Variants in SIGLEC9 observed in about 807,000 individuals in gnomAD.
SIGLEC9 encodes sialic acid binding Ig like lectin 9.
SIGLEC9 carries 26 observed loss-of-function variants against 38.3 expected under a neutral mutation model. The observed-to-expected ratio is 0.68, with a 90% CI of 0.50 to 0.94. The LOEUF (loss-of-function observed/expected upper bound fraction) is 0.94. Among genes scored for constraint, SIGLEC9 ranks in the 40% least tolerant of loss-of-function variants. The probability of loss-of-function intolerance (pLI) is 0.00; values close to 1 mark genes in which losing one functional copy is unlikely to be tolerated. For synonymous variants in SIGLEC9, 236 were observed against 248.0 expected (o/e 0.95, Z 0.45); for missense variants, 556 against 585.7 (o/e 0.95, Z 0.52).
At chr19:51,124,836 T>TGA, upstream of SIGLEC9, 3 of 1,092,796 alleles carry the variant, frequency 2.7e-6, no homozygotes, top group South Asian at 4.9e-5. Flanking sequence ...GTAAAGTTCC[T>TGA]CCTCTGAGGA....
chr19:51,128,809 T>C (rs1190030094), intron 6 of SIGLEC9: 10 of 312,046 alleles, frequency 3.2e-5, no homozygotes, highest in Non-Finnish European at 6.0e-5. Context: ...GAAGACATCA[T>C]CGTCCAGTTC....
At chr19:51,128,636 G>GC (rs1278319747) in intron 6 of SIGLEC9, 126 bp downstream of exon 6, 2 of 788,706 alleles carry the variant, frequency 2.5e-6, no homozygotes, top group Admixed American at 5.6e-5. Flanking sequence ...CTTCTCTGTA[G>GC]CCCCAAATCA....
chr19:51,123,134 C>T (rs1397138016), upstream of SIGLEC9, among the ~76,000 whole-genome samples: 1 of 152,180 alleles, frequency 6.6e-6, no homozygotes, highest in African/African-American at 2.4e-5. Flanking sequence ...CCCTGGTTCT[C>T]ACCTGATCAG....
upstream of SIGLEC9, among the ~76,000 whole-genome samples, chr19:51,121,043 C>T (rs147900724): frequency 4.0e-3 from 609 of 152,216 alleles, 2 homozygotes; most frequent in Middle Eastern, 0.031. Context: ...TGGGTTCTCA[C>T]TGTGTCACCC....
At chr19:51,126,708 G>T (rs1348641760) in intron 3 of SIGLEC9, among the ~76,000 whole-genome samples, 5 of 152,232 alleles carry the variant, frequency 3.3e-5, no homozygotes, top group African/African-American at 1.2e-4. Context: ...CCTAATGGAA[G>T]ATCACGGCAC....
chr19:51,134,164 T>C (rs1480676685), downstream of SIGLEC9, among the ~76,000 whole-genome samples: 2 of 138,064 alleles, frequency 1.4e-5, no homozygotes, highest in Non-Finnish European at 3.1e-5. Context: ...TTTTTTTTTT[T>C]TTTTTTTTTT....
intron 2 of SIGLEC9, 72 bp from the exon 3 acceptor site, chr19:51,126,009 C>T (rs2091977012): frequency 3.8e-6 from 6 of 1,582,810 alleles, no homozygotes; most frequent in Admixed American, 1.7e-5. Flanking sequence ...GTTTATGCGG[C>T]TCCTGGGGAC....
chr19:51,123,658 G>A (rs932197347), upstream of SIGLEC9, among the ~76,000 whole-genome samples: 1 of 152,200 alleles, frequency 6.6e-6, no homozygotes, highest in Non-Finnish European at 1.5e-5. Flanking sequence ...GACAGGAAGT[G>A]GGGTAACAAA....
downstream of SIGLEC9, among the ~76,000 whole-genome samples, chr19:51,132,974 T>C (rs961347589): frequency 2.0e-5 from 3 of 151,770 alleles, no homozygotes; most frequent in African/African-American, 7.3e-5. Flanking sequence ...TATGTATATG[T>C]GTATATGTAT....
At chr19:51,121,811 T>C (rs549725740), upstream of SIGLEC9, among the ~76,000 whole-genome samples, 1 of 152,140 alleles carries the variant, frequency 6.6e-6, no homozygotes, top group South Asian at 2.1e-4. Flanking sequence ...GGTCTCGAAC[T>C]CCTTGACCTC....
Position 51,125,243 on chromosome 19 carries a change from G to A in SIGLEC9, c.269G>A (p.Arg90Gln), listed in dbSNP as rs758617556. The A allele has an allele frequency of 8.7e-6, 14 of 1,613,976 alleles. No individual in the cohort carries two copies. The highest frequency in any genetic ancestry group is 1.1e-5 in the Non-Finnish European group (13 of 1,180,000). Reference sequence around the variant, plus strand: ...GCAGTGTGGGAGGAGACTCGGGACCGATTCCACCTCCTTGGGGACCCACAT... The same window carrying A: ...GCAGTGTGGGAGGAGACTCGGGACCAATTCCACCTCCTTGGGGACCCACAT... ...ARAVWEETRD[R>Q]FHLLGDPHTK... The change falls in exon 1 of 7, where the codon CGA becomes CAA. Residue 90 changes from arginine (R) to glutamine (Q), a missense_variant. Transcript: ENST00000250360.
chr19:51,129,161 TG>T (rs2091999064), intron 6 of SIGLEC9, among the ~76,000 whole-genome samples: 3 of 134,966 alleles, frequency 2.2e-5, no homozygotes, highest in African/African-American at 1.1e-4. Context: ...TTTTTTTTTT[TG>T]TTGTTGTTGT....
Position 51,130,123 on chromosome 19 carries a change from C to A in SIGLEC9, c.*44C>A. 6.4e-7 allele frequency: 1 copy of A among 1,552,196 alleles called. No homozygotes were observed. Among genetic ancestry groups the A allele is most frequent in the African/African-American group, 1.4e-5 (1 of 73,008 alleles). ...CCTGATTGAGGGATCACAGCCCCTC[C>A]AGGCAAGGGAGAAGTCAGAGGCTGA... On this transcript the variant is annotated 3_prime_UTR_variant, in exon 7 of 7. Coordinates refer to ENST00000250360, the MANE Select transcript of SIGLEC9 (RefSeq NM_014441.3).
At chr19:51,128,171 G>A (rs567174200) in intron 5 of SIGLEC9, 132 bp downstream of exon 5, 9 of 819,006 alleles carry the variant, frequency 1.1e-5, no homozygotes, top group Non-Finnish European at 1.8e-5. Flanking sequence ...GGTCACAGGT[G>A]CATGGTGAGA....
downstream of SIGLEC9, among the ~76,000 whole-genome samples, chr19:51,134,591 A>C (rs1420380379): frequency 6.6e-6 from 1 of 152,102 alleles, no homozygotes; most frequent in African/African-American, 2.4e-5. Flanking sequence ...GAAATTAAAA[A>C]CTCTTAAATG....
Position 51,125,654 on chromosome 19 carries a change from A to G in SIGLEC9, c.479A>G (p.Gln160Arg). ...IPGTLESGCPQNLTCSVPWAC... is the reference protein window; with the variant it reads ...IPGTLESGCPRNLTCSVPWAC... ...GGCACCCTGGAGTCCGGCTGCCCCC[A>G]GAATCTGACCTGCTCTGTGCCCTGG... The change falls in exon 2 of 7, where the codon CAG (glutamine) becomes CGG (arginine). Residue 160 changes from glutamine (Q) to arginine (R), a missense_variant. Physicochemically the swap from Gln to Arg is conservative, Grantham distance 43. Transcript: ENST00000250360. 15 of 1,613,668 alleles carry G rather than the reference A, an allele frequency of 9.3e-6. No individual in the cohort carries two copies. The highest frequency in any genetic ancestry group is 1.2e-5 in the Non-Finnish European group (14 of 1,179,978).
rs773255979 is a variant in SIGLEC9, at chr19:51,124,927, C to G, written c.-48C>G. The G allele has an allele frequency of 2.5e-5, 39 of 1,564,744 alleles. No individual in the cohort carries two copies. Among genetic ancestry groups the G allele is most frequent in the Non-Finnish European group, 3.3e-5 (38 of 1,155,850 alleles). On this transcript the variant is annotated 5_prime_UTR_variant, in exon 1 of 7. Coordinates refer to ENST00000250360, the MANE Select transcript of SIGLEC9 (RefSeq NM_014441.3). ...GCCCGCAGTTCCTGAGAGAAGAACC[C>G]TGAGGAACAGACGTTCCCTCGCGGC...
intron 4 of SIGLEC9, 145 bp from the exon 5 acceptor site, chr19:51,127,804 T>A (rs2091988538): frequency 3.6e-6 from 2 of 556,168 alleles, no homozygotes; most frequent in Admixed American, 6.5e-5. Context: ...GAAGAGTCTC[T>A]CCATGTCCTG....
exon 7 of SIGLEC9, chr19:51,136,056 A>C (rs1359270161): frequency 1.4e-6 from 1 of 703,746 alleles, no homozygotes; most frequent in African/African-American, 1.7e-5. Context: ...CCAGATTCTG[A>C]ATTCTATGTC....
Sources: allele counts gnomAD v4.1 joint callset (sites outside exome capture counted in the v4.1 genomes callset), GRCh38; gene constraint gnomAD v4.1.1; transcripts MANE v1.5; gene names NCBI Gene and HGNC (gene_info 2026-07-23, HGNC 2026-07-21).